Variants in SLTM observed in about 807,000 individuals in gnomAD.
SLTM encodes SAFB-like transcription modulator.
SLTM carries 43 observed loss-of-function variants against 134.6 expected under a neutral mutation model. The observed-to-expected ratio is 0.32, with a 90% CI of 0.25 to 0.41. SLTM has a LOEUF of 0.41. SLTM is among the 10% of genes least tolerant of loss of function. The pLI is 1.00. For synonymous variants in SLTM, 424 were observed against 432.3 expected, an observed-to-expected ratio of 0.98 and a Z score of 0.24; for missense variants, 1,055 against 1,288.8, an observed-to-expected ratio of 0.82 and a Z score of 2.78.
intron 2 of SLTM, among the ~76,000 whole-genome samples, chr15:58,924,459 C>A (rs753223054): frequency 6.6e-6 from 1 of 152,142 alleles, no homozygotes; most frequent in African/African-American, 2.4e-5. Context: ...AAGAGTAAAA[C>A]GTTGCATATA....
chr15:58,907,344 A>T (rs763950392), intron 5 of SLTM, among the ~76,000 whole-genome samples: 21 of 152,218 alleles, frequency 1.4e-4, no homozygotes, highest in Non-Finnish European at 2.5e-4. Context: ...TATTAAAGCC[A>T]GGCATGATGG....
At chr15:58,925,231 T>C (rs935709317) in intron 2 of SLTM, among the ~76,000 whole-genome samples, 6 of 152,210 alleles carry the variant, frequency 3.9e-5, no homozygotes, top group Non-Finnish European at 8.8e-5. Flanking sequence ...TTTGCAAGTG[T>C]TTTAGCTTCT....
chr15:58,891,934 C>G (rs968570243), intron 14 of SLTM, among the ~76,000 whole-genome samples: 1 of 152,102 alleles, frequency 6.6e-6, no homozygotes, highest in Non-Finnish European at 1.5e-5. Context: ...CAATCCCACT[C>G]TCCTCTCAAT....
chr15:58,903,833 G>A (rs879007804), intron 5 of SLTM, among the ~76,000 whole-genome samples: 6 of 151,958 alleles, frequency 3.9e-5, no homozygotes, highest in East Asian at 3.9e-4. Flanking sequence ...GAAAAAAGAC[G>A]AAAAAAATGG....
At chr15:58,933,246 C>G (rs1485943920) in intron 1 of SLTM, among the ~76,000 whole-genome samples, 158 bp downstream of exon 1, 4 of 151,780 alleles carry the variant, frequency 2.6e-5, no homozygotes, top group Non-Finnish European at 5.9e-5. Flanking sequence ...GAAGGGTCCC[C>G]GTCCTCCACG....
At chr15:58,924,662 T>C (rs1212480731) in intron 2 of SLTM, among the ~76,000 whole-genome samples, 1 of 152,242 alleles carries the variant, frequency 6.6e-6, no homozygotes, top group Non-Finnish European at 1.5e-5. Context: ...TCTGAGGATT[T>C]TGGATGATAA....
intron 13 of SLTM, 94 bp from the exon 14 acceptor site, chr15:58,893,154 A>T: frequency 7.1e-7 from 1 of 1,401,892 alleles, no homozygotes; most frequent in Non-Finnish European, 9.7e-7. Context: ...TCAAATGACT[A>T]GTAACATTTC....
chr15:58,906,111 T>G (rs557462145), intron 5 of SLTM, among the ~76,000 whole-genome samples: 24 of 152,236 alleles, frequency 1.6e-4, no homozygotes, highest in African/African-American at 5.8e-4. Context: ...TCCAAAATAC[T>G]TGCAATAAGG....
intron 2 of SLTM, among the ~76,000 whole-genome samples, chr15:58,919,852 A>G (rs1391857885): frequency 6.6e-6 from 1 of 152,238 alleles, no homozygotes; most frequent in East Asian, 1.9e-4. Flanking sequence ...TCACAATTTT[A>G]CAAAAGAGAA....
chr15:58,897,281 T>C (rs749078977), intron 8 of SLTM, 48 bp from the exon 9 acceptor site: 1 of 1,115,232 alleles, frequency 9.0e-7, no homozygotes, highest in East Asian at 2.4e-5. Flanking sequence ...ATCAGAATCT[T>C]TATACAAAAC....
intron 2 of SLTM, among the ~76,000 whole-genome samples, chr15:58,923,252 G>T (rs919552151): frequency 4.6e-5 from 7 of 152,066 alleles, no homozygotes; most frequent in African/African-American, 1.7e-4. Flanking sequence ...CAGCTACTAG[G>T]GGGGCCGATG....
At position 58,897,178 on chromosome 15, in the gene SLTM, A is replaced by C; in HGVS notation, c.1164T>G (p.Val388=). Residue 388 remains valine, a synonymous_variant, in exon 9 of 21, where the codon GTT becomes GTG. Coordinates refer to ENST00000380516, the MANE Select transcript of SLTM (RefSeq NM_024755.4). ...CTTTGGTATTAGATGAAAGTCCACT[A>C]ACCCAGATATTTTTAGTTGAGCTTC... ...SSGSSTKNIW[V]SGLSSNTKAA... The C allele has an allele frequency of 6.2e-7, 1 of 1,613,336 alleles. No homozygotes were observed. Among genetic ancestry groups the C allele is most frequent in the Non-Finnish European group, 8.5e-7 (1 of 1,179,516 alleles).
chr15:58,929,351 G>A (rs1423566111), intron 2 of SLTM, among the ~76,000 whole-genome samples: 1 of 152,066 alleles, frequency 6.6e-6, no homozygotes, highest in African/African-American at 2.4e-5. Flanking sequence ...GGGAGGCTGA[G>A]GCAGGAGAAT....
At position 58,933,622 on chromosome 15, in the gene SLTM, G is replaced by C. The variant is rs1198935756; in HGVS notation, c.-57C>G. The C allele has an allele frequency of 2.0e-6, 3 of 1,466,670 alleles. No individual in the cohort carries two copies. Among genetic ancestry groups the C allele is most frequent in the Non-Finnish European group, 2.7e-6 (3 of 1,109,718 alleles). 90.9% of individuals were successfully genotyped at this position (1,466,670 alleles called of 1,614,324 possible). A position where few individuals can be genotyped will look rare whatever the true frequency, so the allele number is the denominator to read the frequency against. On this transcript the variant is annotated 5_prime_UTR_variant, in exon 1 of 21. Coordinates refer to ENST00000380516, the MANE Select transcript of SLTM (RefSeq NM_024755.4). ...AGTGGGCTGCAGGGCGGCGGCAGCA[G>C]CGCCAACTTCCACCCAGGCCTCGGC...
intron 2 of SLTM, among the ~76,000 whole-genome samples, chr15:58,929,638 C>A (rs2037729762): frequency 6.6e-6 from 1 of 152,110 alleles, no homozygotes; most frequent in African/African-American, 2.4e-5. Flanking sequence ...GTTGCTCAGG[C>A]TGGTCTTGAA....
intron 2 of SLTM, chr15:58,921,334 C>G (rs1243271058): frequency 1.3e-5 from 2 of 155,976 alleles, no homozygotes; most frequent in African/African-American, 4.8e-5. Flanking sequence ...TCCTCAAAAC[C>G]ATTCGATCTC....
intron 2 of SLTM, among the ~76,000 whole-genome samples, chr15:58,924,013 T>G (rs1381894524): frequency 6.6e-6 from 1 of 151,786 alleles, no homozygotes; most frequent in African/African-American, 2.4e-5. Flanking sequence ...CAGGGTTTCA[T>G]CATGTTGGCC....
chr15:58,890,273 G>T lies in SLTM; in HGVS notation c.2079+8C>A. Reference sequence around the variant, plus strand: ...GTTATTTAAGATGAAAAGATTTTCTGACTGCACCTGTTCAATACGAATGCG... The same window carrying T: ...GTTATTTAAGATGAAAAGATTTTCTTACTGCACCTGTTCAATACGAATGCG... On this transcript the variant is annotated splice_region_variant and intron_variant, in intron 15 of 20. Transcript: ENST00000380516. 1 of 1,612,064 alleles carries T rather than the reference G, an allele frequency of 6.2e-7. No homozygotes were observed. Among genetic ancestry groups the T allele is most frequent in the Non-Finnish European group, 8.5e-7 (1 of 1,179,194 alleles).
In SLTM at chr15:58,913,613, T is replaced by C. The variant is rs747409472; in HGVS notation, c.399A>G (p.Glu133=). The C allele has an allele frequency of 6.2e-7, 1 of 1,613,690 alleles. No individual in the cohort carries two copies. The highest frequency in any genetic ancestry group is 8.5e-7 in the Non-Finnish European group (1 of 1,179,858). The change falls in exon 4 of 21, where the codon GAA becomes GAG. Residue 133 remains glutamate, a synonymous_variant. Coordinates refer to ENST00000380516, the MANE Select transcript of SLTM (RefSeq NM_024755.4). Reference sequence around the variant, plus strand: ...ACTCCTTGGAATGCACATTTTCTTCTTCATTTTCACCAAATTCTTCAGAGT... The same window carrying C: ...ACTCCTTGGAATGCACATTTTCTTCCTCATTTTCACCAAATTCTTCAGAGT... ...LKDSEEFGEN[E]EENVHSKELL... is the part of the protein sequence containing the mutation.
Sources: allele counts gnomAD v4.1 joint callset (sites outside exome capture counted in the v4.1 genomes callset), GRCh38; gene constraint gnomAD v4.1.1; transcripts MANE v1.5; gene names NCBI Gene and HGNC (gene_info 2026-07-23, HGNC 2026-07-21).